SLC39A11: variants seen among roughly 807,000 people sequenced by gnomAD.
SLC39A11 encodes the protein solute carrier family 39 member 11.
In SLC39A11, 33 loss-of-function variants were observed where a neutral mutation model predicts 36.1. That is an observed-to-expected ratio of 0.91 (90% CI 0.69 to 1.22). The LOEUF (loss-of-function observed/expected upper bound fraction) is 1.22, where lower values mean the gene tolerates loss of function less well. SLC39A11 is among the 50% of genes most tolerant of loss of function. The probability of loss-of-function intolerance (pLI) is 0.00; values close to 1 mark genes in which losing one functional copy is unlikely to be tolerated. For missense variants in SLC39A11, 432 were observed against 430.3 expected (o/e 1.00, Z -0.03); for synonymous variants, 166 against 170.3 (o/e 0.97, Z 0.20).
chr17:72,853,514 C>T (rs1299298354), intron 5 of SLC39A11, among the ~76,000 whole-genome samples: 1 of 151,928 alleles, frequency 6.6e-6, no homozygotes, highest in African/African-American at 2.4e-5. Context: ...ACCTCGGACG[C>T]ACCACGAGCA....
In SLC39A11 at chr17:72,847,388, C is replaced by T. The variant is rs559744351; in HGVS notation, c.601+2246G>A. 2.0e-4 allele frequency among the ~76,000 whole-genome samples: 27 copies of T among 136,718 alleles called. 1 individual carries two copies. The South Asian group carries it at 5.1e-3, about 26-fold the overall frequency. The allele number at this position is 136,718 out of a possible 152,430, so 89.7% of individuals were successfully genotyped here. The stretch of plus-strand genomic sequence containing the variant: ...CTGCACTCCAGCCTGGGCGACAGAG[C>T]GAGACTCTGTCTCATAAAAAAAAAA... On this transcript the variant is annotated intron_variant, in intron 6 of 9. Transcript: ENST00000255559.
chr17:72,797,592 C>G (rs2076937276), intron 6 of SLC39A11, among the ~76,000 whole-genome samples: 2 of 152,086 alleles, frequency 1.3e-5, no homozygotes, highest in South Asian at 4.1e-4. Flanking sequence ...GTGGTGCACA[C>G]ATTCTAATAC....
At chr17:72,666,140 G>A (rs890077738) in intron 7 of SLC39A11, among the ~76,000 whole-genome samples, 4 of 152,202 alleles carry the variant, frequency 2.6e-5, no homozygotes, top group Admixed American at 6.5e-5. Flanking sequence ...TGGGCGACCC[G>A]TAAGTTCTTT....
intron 7 of SLC39A11, among the ~76,000 whole-genome samples, chr17:72,656,572 A>AGGAGGAG (rs1440168110): frequency 1.4e-5 from 2 of 142,980 alleles, no homozygotes; most frequent in Admixed American, 6.9e-5. Flanking sequence ...GTCATTGGGG[A>AGGAGGAG]GGAGGATGAC....
intron 5 of SLC39A11, among the ~76,000 whole-genome samples, chr17:72,899,036 CTCT>C (rs1406945497): frequency 1.8e-5 from 2 of 114,056 alleles, no homozygotes; most frequent in East Asian, 8.3e-4. Context: ...TTCGGCTGCA[CTCT>C]CCTAAGCTTT....
chr17:72,662,261 C>T (rs1473762954), intron 7 of SLC39A11, among the ~76,000 whole-genome samples: 2 of 144,762 alleles, frequency 1.4e-5, no homozygotes, highest in East Asian at 2.0e-4. Context: ...CAGAATGAGG[C>T]CTTTTTTTAG....
chr17:72,648,150 C>T (rs934209378), intron 9 of SLC39A11, among the ~76,000 whole-genome samples: 20 of 151,616 alleles, frequency 1.3e-4, no homozygotes, highest in Admixed American at 1.2e-3. Flanking sequence ...GCTAACATGG[C>T]GAAACCCCGT....
chr17:72,951,115 G>T (rs1209262074), intron 4 of SLC39A11, among the ~76,000 whole-genome samples: 1 of 141,186 alleles, frequency 7.1e-6, no homozygotes, highest in African/African-American at 2.5e-5. Context: ...AAAAAAATTA[G>T]CCAGGTATGA....
chr17:72,760,790 T>C (rs903802737), intron 6 of SLC39A11, among the ~76,000 whole-genome samples: 1 of 152,192 alleles, frequency 6.6e-6, no homozygotes, highest in Admixed American at 6.5e-5. Context: ...CTGCTCTCCA[T>C]GGAAGGCTGT....
intron 5 of SLC39A11, among the ~76,000 whole-genome samples, chr17:72,933,091 C>G (rs112707272): frequency 6.6e-6 from 1 of 152,090 alleles, no homozygotes; most frequent in African/African-American, 2.4e-5. Context: ...TTAGCCAGTA[C>G]AATCAGGTAA....
intron 5 of SLC39A11, among the ~76,000 whole-genome samples, chr17:72,899,230 C>T (rs1453251191): frequency 2.0e-5 from 3 of 151,992 alleles, no homozygotes; most frequent in Non-Finnish European, 4.4e-5. Context: ...ACCCCAAGCC[C>T]CTGCTGTACC....
At chr17:72,662,771 AAAAG>A (rs982967542) in intron 7 of SLC39A11, among the ~76,000 whole-genome samples, 2 of 151,476 alleles carry the variant, frequency 1.3e-5, no homozygotes, top group Admixed American at 6.6e-5. Flanking sequence ...GAAGGAAAAG[AAAAG>A]AAAGGAAGGA....
chr17:72,890,768 T>C (rs1214738381), intron 5 of SLC39A11, among the ~76,000 whole-genome samples: 1 of 152,072 alleles, frequency 6.6e-6, no homozygotes, highest in African/African-American at 2.4e-5. Flanking sequence ...CTGGGTGAGA[T>C]TCCAGGAGAG....
chr17:73,000,510 C>T (rs1043447578), intron 4 of SLC39A11, among the ~76,000 whole-genome samples: 1 of 152,180 alleles, frequency 6.6e-6, no homozygotes, highest in Non-Finnish European at 1.5e-5. Context: ...CTCAGCAGAA[C>T]AGTTCAGCGA....
chr17:72,747,567 G>A (rs2074991555), intron 6 of SLC39A11, among the ~76,000 whole-genome samples: 1 of 152,166 alleles, frequency 6.6e-6, no homozygotes, highest in Non-Finnish European at 1.5e-5. Flanking sequence ...ACTGCAGCAG[G>A]GATTTCCTGG....
At chr17:72,819,635 A>C (rs1238194517) in intron 6 of SLC39A11, among the ~76,000 whole-genome samples, 1 of 151,134 alleles carries the variant, frequency 6.6e-6, no homozygotes, top group South Asian at 2.1e-4. Flanking sequence ...GAACTTCTAG[A>C]AGCCCAAAAA....
At chr17:72,954,219 T>C (rs2086084301) in intron 4 of SLC39A11, among the ~76,000 whole-genome samples, 1 of 152,160 alleles carries the variant, frequency 6.6e-6, no homozygotes, top group Non-Finnish European at 1.5e-5. Context: ...CTAATATTTG[T>C]ATTTTTAGTA....
intron 6 of SLC39A11, 128 bp downstream of exon 6, chr17:72,849,506 C>A: frequency 1.1e-6 from 1 of 900,412 alleles, no homozygotes; most frequent in South Asian, 2.8e-5. Context: ...TTTGTACTGC[C>A]ACCTTCACTC....
At chr17:72,761,538 T>C (rs2075577390) in intron 6 of SLC39A11, among the ~76,000 whole-genome samples, 1 of 152,118 alleles carries the variant, frequency 6.6e-6, no homozygotes. Context: ...TTTTTAGCCA[T>C]TTTATTTCAC....
Sources: gnomAD v4.1 joint callset for allele counts (sites outside exome capture counted in the v4.1 genomes callset) on GRCh38, gnomAD v4.1.1 for gene constraint, MANE v1.5 for transcripts, NCBI Gene and HGNC (gene_info 2026-07-23, HGNC 2026-07-21) for gene names.